The following SOX6 variants were observed in gnomAD, a reference collection of about 807,000 sequenced individuals.
The protein encoded by SOX6 is transcription factor SOX-6.
Under a neutral mutation model 97.8 loss-of-function variants are expected in SOX6, and 11 were observed. The ratio of observed to expected loss-of-function variants is 0.11; its 90% confidence interval spans 0.07 to 0.19. SOX6 has a LOEUF of 0.19. Among genes scored for constraint, SOX6 ranks in the 10% least tolerant of loss-of-function variants. The pLI, the probability that SOX6 is intolerant of heterozygous loss-of-function variation, is 1.00. For missense variants in SOX6, 810 were observed against 1,039.5 expected, an observed-to-expected ratio of 0.78 and a Z score of 3.04; for synonymous variants, 360 against 371.4, an observed-to-expected ratio of 0.97 and a Z score of 0.35.
chr11:16,215,923 G>A (rs1305249458), intron 4 of SOX6, among the ~76,000 whole-genome samples: 1 of 152,152 alleles, frequency 6.6e-6, no homozygotes, highest in African/African-American at 2.4e-5. Context: ...AAAAGTGCAC[G>A]AGGAAATGTG....
At chr11:16,097,250 G>C (rs1434181923) in intron 8 of SOX6, among the ~76,000 whole-genome samples, 1 of 151,736 alleles carries the variant, frequency 6.6e-6, no homozygotes, top group Non-Finnish European at 1.5e-5. Flanking sequence ...CATCATTTTT[G>C]TTTCAATTTT....
chr11:16,038,443 G>A (rs1374034409), intron 12 of SOX6, among the ~76,000 whole-genome samples: 1 of 152,104 alleles, frequency 6.6e-6, no homozygotes, highest in East Asian at 1.9e-4. Context: ...AAAAAAGAAG[G>A]GAAGGTGGAA....
At chr11:16,512,241 T>A (rs1405759839) in intron 4 of SOX6, among the ~76,000 whole-genome samples, 3 of 152,158 alleles carry the variant, frequency 2.0e-5, no homozygotes, top group Non-Finnish European at 2.9e-5. Flanking sequence ...GTCACAGAAG[T>A]ACTGGGGGAT....
chr11:16,209,954 T>C (rs1420340751), intron 4 of SOX6, among the ~76,000 whole-genome samples: 2 of 152,120 alleles, frequency 1.3e-5, no homozygotes, highest in African/African-American at 2.4e-5. Context: ...TTATAGTATC[T>C]ATTCAACAGA....
At chr11:16,306,857 C>T (rs541002734) in intron 3 of SOX6, among the ~76,000 whole-genome samples, 6 of 151,866 alleles carry the variant, frequency 4.0e-5, no homozygotes, top group Admixed American at 3.3e-4. Context: ...ATCTCCTGAC[C>T]GCGTGATCCA....
chr11:16,341,296 CA>C, intron 1 of SOX6, 44 bp from the exon 2 acceptor site: 1 of 1,606,644 alleles, frequency 6.2e-7, no homozygotes, highest in Non-Finnish European at 8.5e-7. Context: ...CTGTCAATAA[CA>C]AACCATAAAC....
At chr11:16,663,763 A>G (rs565604992) in intron 3 of SOX6, among the ~76,000 whole-genome samples, 36 of 152,254 alleles carry the variant, frequency 2.4e-4, no homozygotes, top group Non-Finnish European at 4.3e-4. Flanking sequence ...AATACCAACT[A>G]TTCTTGTTCA....
chr11:16,573,251 G>C (rs1847954479), intron 4 of SOX6, among the ~76,000 whole-genome samples: 3 of 152,134 alleles, frequency 2.0e-5, no homozygotes, highest in Non-Finnish European at 4.4e-5. Context: ...ATTTATTTTT[G>C]TTAGGAATTA....
intron 4 of SOX6, among the ~76,000 whole-genome samples, chr11:16,223,289 C>T (rs1243511584): frequency 2.0e-5 from 3 of 152,052 alleles, no homozygotes; most frequent in African/African-American, 7.2e-5. Context: ...AGTTTATGTC[C>T]TCGGAGGCAT....
At chr11:16,619,773 T>C (rs967403338) in intron 3 of SOX6, among the ~76,000 whole-genome samples, 1 of 152,112 alleles carries the variant, frequency 6.6e-6, no homozygotes, top group African/African-American at 2.4e-5. Flanking sequence ...AAATTTCATT[T>C]AACATGAAAA....
At chr11:16,213,936 A>T (rs901972998) in intron 4 of SOX6, among the ~76,000 whole-genome samples, 2 of 152,156 alleles carry the variant, frequency 1.3e-5, no homozygotes, top group African/African-American at 4.8e-5. Flanking sequence ...ATACCTGTAG[A>T]TTCTACATTT....
chr11:16,175,470 T>C (rs1376249017), intron 6 of SOX6, among the ~76,000 whole-genome samples: 3 of 151,978 alleles, frequency 2.0e-5, no homozygotes, highest in Non-Finnish European at 4.4e-5. Context: ...GTGGAATTGT[T>C]ATTTAAACCC....
At chr11:16,708,700 C>T (rs1262012306) in intron 3 of SOX6, among the ~76,000 whole-genome samples, 4 of 152,176 alleles carry the variant, frequency 2.6e-5, no homozygotes, top group Non-Finnish European at 5.9e-5. Flanking sequence ...TCTTTATCCT[C>T]ATAGAGCCTA....
At chr11:16,077,725 A>G (rs2133950716) in intron 9 of SOX6, among the ~76,000 whole-genome samples, 2 of 152,352 alleles carry the variant, frequency 1.3e-5, no homozygotes, top group African/African-American at 4.8e-5. Flanking sequence ...CAAATACCAC[A>G]TATTCTCACT....
intron 9 of SOX6, among the ~76,000 whole-genome samples, chr11:16,082,253 T>C (rs77311282): frequency 3.0e-3 from 457 of 152,288 alleles, no homozygotes; most frequent in Non-Finnish European, 6.1e-3. Context: ...GGGTCTCTTG[T>C]CTGCTAATAA....
intron 6 of SOX6, among the ~76,000 whole-genome samples, chr11:16,126,506 G>A (rs1206186786): frequency 1.3e-5 from 2 of 152,052 alleles, no homozygotes; most frequent in Non-Finnish European, 2.9e-5. Flanking sequence ...TCTGGCTCAG[G>A]AAATGCCTGT....
intron 4 of SOX6, among the ~76,000 whole-genome samples, chr11:16,217,058 G>A (rs1215059800): frequency 6.6e-6 from 1 of 152,176 alleles, no homozygotes; most frequent in African/African-American, 2.4e-5. Flanking sequence ...AATGCTCAAT[G>A]GATGTGAAAG....
intron 6 of SOX6, among the ~76,000 whole-genome samples, chr11:16,141,054 C>T (rs1332779213): frequency 6.6e-6 from 1 of 150,756 alleles, no homozygotes; most frequent in Non-Finnish European, 1.5e-5. Flanking sequence ...GCAGGAGTTG[C>T]AGTGAGCCAA....
intron 3 of SOX6, among the ~76,000 whole-genome samples, chr11:16,697,375 T>C (rs1036330235): frequency 4.6e-5 from 7 of 152,210 alleles, no homozygotes; most frequent in African/African-American, 1.7e-4. Context: ...GGCTCATGCC[T>C]GTAATCCCAG....
Sources: allele counts gnomAD v4.1 joint callset (sites outside exome capture counted in the v4.1 genomes callset), GRCh38; gene constraint gnomAD v4.1.1; transcripts MANE v1.5; gene names NCBI Gene and HGNC (gene_info 2026-07-23, HGNC 2026-07-21).